The following BNC2 variants were observed in gnomAD, a reference collection of about 807,000 sequenced individuals.
The protein encoded by BNC2 is basonuclin zinc finger protein 2, also known as zinc finger protein basonuclin-2.
BNC2 carries 20 observed loss-of-function variants against 76.3 expected under a neutral mutation model. The ratio of observed to expected loss-of-function variants is 0.26; its 90% confidence interval spans 0.18 to 0.38. The LOEUF (loss-of-function observed/expected upper bound fraction) is 0.38, where lower values mean the gene tolerates loss of function less well. Among genes scored for constraint, BNC2 ranks in the 10% least tolerant of loss-of-function variants. BNC2 has a pLI of 1.00. For synonymous variants in BNC2, 582 were observed against 514.8 expected (o/e 1.13, Z -1.77); for missense variants, 1,382 against 1,399.8 (o/e 0.99, Z 0.20).
rs1442686290 is a variant in BNC2 at position 16,411,780 on chromosome 9, G to A, written c.*7209C>T. On this transcript the variant is annotated 3_prime_UTR_variant, in exon 7 of 7. Coordinates refer to ENST00000380672, the MANE Select transcript of BNC2 (RefSeq NM_017637.6). ...TCTCCTTGCTAAAGTTCATATGGAA[G>A]ATGATACCGATACCTGCACGTGTCT... is the stretch of plus-strand genomic sequence containing the variant. 6.6e-6 allele frequency: 1 copy of A among 152,472 alleles called. No individual in the cohort carries two copies. Among genetic ancestry groups the A allele is most frequent in the Admixed American group, 6.5e-5 (1 of 15,276 alleles). 9.4% of individuals were successfully genotyped at this position (152,472 alleles called of 1,614,324 possible).
chr9:16,744,078 T>G (rs983622592), intron 1 of BNC2, among the ~76,000 whole-genome samples: 1 of 152,178 alleles, frequency 6.6e-6, no homozygotes, highest in Admixed American at 6.5e-5. Flanking sequence ...GCCATTCTCC[T>G]ACCTCAGCCT....
Position 16,436,283 on chromosome 9 carries a change from G to A in BNC2, c.1911C>T (p.Ser637=). ...LAPKKKPRKS[S]MPVKIEKEII... is the part of the protein sequence containing the mutation. ...TTTCCTTCTCAATCTTCACAGGCAT[G>A]CTTGACTTCCTGGGCTTTTTCTTGG... Residue 637 remains serine, a synonymous_variant, in exon 6 of 7, where the codon AGC becomes AGT. Coordinates refer to ENST00000380672, the MANE Select transcript of BNC2 (RefSeq NM_017637.6). 2 of 1,614,106 alleles carry A rather than the reference G, an allele frequency of 1.2e-6. No individual in the cohort carries two copies. Among genetic ancestry groups the A allele is most frequent in the Non-Finnish European group, 1.7e-6 (2 of 1,180,026 alleles).
intron 5 of BNC2, among the ~76,000 whole-genome samples, chr9:16,527,131 A>G (rs3829848): frequency 0.54 from 82,046 of 152,016 alleles, 23,409 homozygotes; most frequent in African/African-American, 0.72. Flanking sequence ...GCTAAAGGAC[A>G]AGGACTGGGG....
intron 3 of BNC2, among the ~76,000 whole-genome samples, chr9:16,695,971 C>A (rs915312673): frequency 1.3e-5 from 2 of 152,166 alleles, no homozygotes; most frequent in Non-Finnish European, 2.9e-5. Flanking sequence ...CAGAACCATA[C>A]ATCATTATTA....
At chr9:16,690,460 T>A (rs898782588) in intron 3 of BNC2, among the ~76,000 whole-genome samples, 4 of 151,326 alleles carry the variant, frequency 2.6e-5, no homozygotes, top group Non-Finnish European at 5.9e-5. Context: ...CTGTCTCAAA[T>A]ATATACATAC....
chr9:16,436,697 C>G lies in BNC2; in HGVS notation c.1497G>C (p.Met499Ile), dbSNP rs530979241. 6 of 1,614,014 alleles carry G rather than the reference C, an allele frequency of 3.7e-6. No homozygotes were observed. In the South Asian group the frequency reaches 6.6e-5, roughly 18 times the overall value. ...TATCTCGGTTATTCCTTAGCATAGG[C>G]ATGTGAAGGCGAGGATTGGGGTTTG... is the stretch of plus-strand genomic sequence containing the variant. ...HSANPNPRLH[M>I]PMLRNNRDKD... Residue 499 changes from methionine to isoleucine, a missense_variant, in exon 6 of 7, where the codon ATG (methionine) becomes ATC (isoleucine). Physicochemically the swap from Met to Ile is conservative, Grantham distance 10. Transcript: ENST00000380672.
intron 3 of BNC2, among the ~76,000 whole-genome samples, chr9:16,645,582 G>A (rs1821601394): frequency 6.6e-6 from 1 of 152,152 alleles, no homozygotes; most frequent in Non-Finnish European, 1.5e-5. Flanking sequence ...TGGTGGGACT[G>A]GATGTCAGAT....
chr9:16,633,741 C>A (rs951187944), intron 3 of BNC2, among the ~76,000 whole-genome samples: 1 of 152,010 alleles, frequency 6.6e-6, no homozygotes. Flanking sequence ...AAGTAAATAG[C>A]GGTTTGCAAA....
At chr9:16,641,911 G>A (rs370975595) in intron 3 of BNC2, among the ~76,000 whole-genome samples, 1 of 152,088 alleles carries the variant, frequency 6.6e-6, no homozygotes. Flanking sequence ...CTATTTAATG[G>A]AATGGCCATT....
chr9:16,422,632 T>C (rs924090131), intron 6 of BNC2, among the ~76,000 whole-genome samples: 1 of 152,164 alleles, frequency 6.6e-6, no homozygotes, highest in East Asian at 1.9e-4. Flanking sequence ...CTGAGGAAAG[T>C]CTGCTGTTCA....
intron 1 of BNC2, among the ~76,000 whole-genome samples, chr9:16,828,872 C>G (rs918227848): frequency 1.3e-5 from 2 of 152,150 alleles, no homozygotes; most frequent in African/African-American, 2.4e-5. Context: ...AATATGTGCT[C>G]CAGATGTGTC....
intron 3 of BNC2, among the ~76,000 whole-genome samples, chr9:16,689,164 A>C (rs1390565299): frequency 2.9e-5 from 3 of 103,026 alleles, no homozygotes; most frequent in Non-Finnish European, 5.4e-5. Flanking sequence ...CTGAGATCAC[A>C]AAAAAAAAAA....
At chr9:16,729,716 C>T (rs182903723) in intron 2 of BNC2, among the ~76,000 whole-genome samples, 1 of 152,092 alleles carries the variant, frequency 6.6e-6, no homozygotes, top group African/African-American at 2.4e-5. Flanking sequence ...AAATCCCCTA[C>T]GAGTCAATTG....
chr9:16,862,149 A>G (rs928098286), intron 1 of BNC2, among the ~76,000 whole-genome samples: 1 of 152,250 alleles, frequency 6.6e-6, no homozygotes, highest in Admixed American at 6.5e-5. Context: ...CATACTATCC[A>G]ACAATTCTAC....
intron 3 of BNC2, among the ~76,000 whole-genome samples, chr9:16,640,375 G>A (rs1563876123): frequency 6.6e-6 from 1 of 152,114 alleles, no homozygotes. Flanking sequence ...AAATACATGA[G>A]AGTTCAGCTA....
At chr9:16,778,879 G>A (rs969879654) in intron 1 of BNC2, among the ~76,000 whole-genome samples, 11 of 152,148 alleles carry the variant, frequency 7.2e-5, no homozygotes, top group African/African-American at 2.7e-4. Context: ...TGTGAAGGCA[G>A]CCAAGCAGGT....
At chr9:16,425,855 A>G (rs1221550124) in intron 6 of BNC2, among the ~76,000 whole-genome samples, 2 of 152,368 alleles carry the variant, frequency 1.3e-5, no homozygotes, top group East Asian at 1.9e-4. Flanking sequence ...GGGAAGGCAG[A>G]TTGGTAGATG....
At chr9:16,587,989 G>T (rs1161903150) in intron 3 of BNC2, among the ~76,000 whole-genome samples, 1 of 152,078 alleles carries the variant, frequency 6.6e-6, no homozygotes, top group Non-Finnish European at 1.5e-5. Flanking sequence ...TTCCCCTCTA[G>T]AATTTAAGTT....
chr9:16,869,926 A>C (rs984707157), intron 1 of BNC2, among the ~76,000 whole-genome samples: 2 of 151,946 alleles, frequency 1.3e-5, no homozygotes, highest in Non-Finnish European at 2.9e-5. Flanking sequence ...CAGGCCCCAA[A>C]TCCCACCCTC....
Sources: allele counts gnomAD v4.1 joint callset (sites outside exome capture counted in the v4.1 genomes callset), GRCh38; gene constraint gnomAD v4.1.1; transcripts MANE v1.5; gene names NCBI Gene and HGNC (gene_info 2026-07-23, HGNC 2026-07-21).